CSMD1: variants seen among roughly 807,000 people sequenced by gnomAD.
CSMD1 encodes the protein CUB and Sushi multiple domains 1.
A neutral mutation model predicts 417.5 loss-of-function variants in CSMD1; 213 were observed. The ratio of observed to expected loss-of-function variants is 0.51; its 90% CI spans 0.46 to 0.57. The LOEUF (loss-of-function observed/expected upper bound fraction) is 0.57. Among genes scored for constraint, CSMD1 ranks in the 20% least tolerant of loss-of-function variants. The pLI, the probability that CSMD1 is intolerant of heterozygous loss-of-function variation, is 0.00. For missense variants in CSMD1, 6,923 were observed against 4,529.7 expected (o/e 1.53, Z -15.17); for synonymous variants, 2,862 against 1,736.8 (o/e 1.65, Z -16.11).
At chr8:3,608,955 T>G (rs1345978872) in intron 8 of CSMD1, among the ~76,000 whole-genome samples, 1 of 152,076 alleles carries the variant, frequency 6.6e-6, no homozygotes, top group African/African-American at 2.4e-5. Flanking sequence ...AGGGCAAATT[T>G]CAACCATACC....
intron 1 of CSMD1, among the ~76,000 whole-genome samples, chr8:4,763,896 A>C (rs892776552): frequency 2.0e-5 from 3 of 152,240 alleles, no homozygotes; most frequent in Admixed American, 1.3e-4. Context: ...CCACGACTAC[A>C]TAACCCTGAG....
intron 26 of CSMD1, among the ~76,000 whole-genome samples, chr8:3,259,768 CTG>C (rs1800918635): frequency 6.6e-6 from 1 of 152,122 alleles, no homozygotes; most frequent in African/African-American, 2.4e-5. Context: ...AGTTGGCAAA[CTG>C]TATACTGGAA....
intron 12 of CSMD1, among the ~76,000 whole-genome samples, chr8:3,435,048 C>A (rs1378285968): frequency 6.6e-6 from 1 of 152,084 alleles, no homozygotes; most frequent in Non-Finnish European, 1.5e-5. Context: ...GCAGAGAGGA[C>A]AGAAGCCCCT....
intron 4 of CSMD1, among the ~76,000 whole-genome samples, chr8:4,019,994 T>G (rs569918189): frequency 2.0e-5 from 3 of 152,018 alleles, no homozygotes; most frequent in South Asian, 2.1e-4. Context: ...CTTTTCAAAC[T>G]GTTTGCCATT....
chr8:4,982,332 G>C (rs1045653137), intron 1 of CSMD1, among the ~76,000 whole-genome samples: 3 of 152,208 alleles, frequency 2.0e-5, no homozygotes, highest in Admixed American at 1.3e-4. Flanking sequence ...CTTCTATGTA[G>C]CTCTGTTTTC....
chr8:4,903,440 G>C lies in CSMD1; in HGVS notation c.85+90892C>G, dbSNP rs76257941. Among the ~76,000 whole-genome samples the C allele has an allele frequency of 3.2e-3, 487 of 152,180 alleles. 4 individuals are homozygous for C. Among genetic ancestry groups the C allele is most frequent in the East Asian group, 0.028 (144 of 5,182 alleles). On this transcript the variant is annotated intron_variant, in intron 1 of 69. Transcript: ENST00000635120. ...AGTGACTTTTTTTACCCTTGAGAATGATACCGTGCTAAGGCATACACCAAT... is the reference window on the plus strand; with the variant it reads ...AGTGACTTTTTTTACCCTTGAGAATCATACCGTGCTAAGGCATACACCAAT...
chr8:3,254,680 G>C (rs948315888), intron 26 of CSMD1, among the ~76,000 whole-genome samples: 3 of 152,088 alleles, frequency 2.0e-5, no homozygotes, highest in Non-Finnish European at 4.4e-5. Context: ...TGAGACTTGT[G>C]CATTTGTCAC....
At chr8:4,982,402 A>G (rs78850698) in intron 1 of CSMD1, among the ~76,000 whole-genome samples, 3,323 of 152,304 alleles carry the variant, frequency 0.022, 121 homozygotes, top group African/African-American at 0.074. Context: ...CCTGGGTAAC[A>G]GAGAATGCTA....
At chr8:3,999,393 C>A (rs931996252) in intron 4 of CSMD1, among the ~76,000 whole-genome samples, 1 of 152,190 alleles carries the variant, frequency 6.6e-6, no homozygotes, top group South Asian at 2.1e-4. Context: ...AAATGACCTC[C>A]TTTTATTAAC....
intron 5 of CSMD1, among the ~76,000 whole-genome samples, chr8:3,851,446 A>C (rs1400062220): frequency 1.3e-5 from 2 of 152,132 alleles, no homozygotes; most frequent in African/African-American, 4.8e-5. Context: ...TTGCACTTCT[A>C]CTCATCAATT....
intron 25 of CSMD1, among the ~76,000 whole-genome samples, chr8:3,288,826 A>C (rs530706128): frequency 1.6e-4 from 24 of 145,924 alleles, no homozygotes; most frequent in Admixed American, 4.1e-4. Flanking sequence ...TATTTCTTTT[A>C]TTTTATTTTA....
intron 1 of CSMD1, among the ~76,000 whole-genome samples, chr8:4,901,920 G>C (rs182968076): frequency 7.0e-4 from 107 of 152,174 alleles, no homozygotes; most frequent in African/African-American, 2.5e-3. Flanking sequence ...ACGTTAAAAA[G>C]ATTGTCAGTC....
intron 5 of CSMD1, among the ~76,000 whole-genome samples, chr8:3,795,211 C>CTATCATGTACAGATATATATAT (rs1799995847): frequency 2.8e-5 from 2 of 71,934 alleles, no homozygotes; most frequent in African/African-American, 1.1e-4. Flanking sequence ...GATATAGATA[C>CTATCATGTACAGATATATATAT]CTATCATGTA....
At chr8:2,967,532 T>C (rs1804072751) in intron 57 of CSMD1, among the ~76,000 whole-genome samples, 1 of 148,316 alleles carries the variant, frequency 6.7e-6, no homozygotes. Flanking sequence ...CAATCTACAC[T>C]TTTTTTTTTC....
chr8:4,294,887 C>T (rs953871760), intron 3 of CSMD1, among the ~76,000 whole-genome samples: 1 of 151,736 alleles, frequency 6.6e-6, no homozygotes, highest in Admixed American at 6.6e-5. Context: ...TAGTAGCTGT[C>T]AATGTGTATG....
At chr8:4,816,863 T>C (rs1799236694) in intron 1 of CSMD1, among the ~76,000 whole-genome samples, 1 of 152,028 alleles carries the variant, frequency 6.6e-6, no homozygotes, top group Non-Finnish European at 1.5e-5. Context: ...GCAAGTCATA[T>C]GGGGGTCTCA....
At chr8:4,084,048 T>C (rs1286561272) in intron 3 of CSMD1, among the ~76,000 whole-genome samples, 2 of 152,124 alleles carry the variant, frequency 1.3e-5, no homozygotes, top group African/African-American at 4.8e-5. Flanking sequence ...CCTTTTAAAA[T>C]TAGTAGATCA....
intron 2 of CSMD1, among the ~76,000 whole-genome samples, chr8:4,457,860 C>A (rs556108987): frequency 5.9e-5 from 9 of 152,200 alleles, no homozygotes; most frequent in African/African-American, 2.2e-4. Flanking sequence ...GGCTTGGCAC[C>A]TCCCCTGGGA....
At chr8:4,747,600 G>A (rs79523245) in intron 1 of CSMD1, among the ~76,000 whole-genome samples, 1 of 152,120 alleles carries the variant, frequency 6.6e-6, no homozygotes, top group African/African-American at 2.4e-5. Flanking sequence ...TGAATGTTGT[G>A]CTTCTCTCTT....
Sources: allele counts gnomAD v4.1 joint callset (sites outside exome capture counted in the v4.1 genomes callset), GRCh38; gene constraint gnomAD v4.1.1; transcripts MANE v1.5; gene names NCBI Gene and HGNC (gene_info 2026-07-23, HGNC 2026-07-21).